The following CHN2 variants were observed in gnomAD, a reference collection of about 807,000 sequenced individuals.
CHN2 encodes the protein beta-chimaerin.
Under a neutral mutation model 56.3 loss-of-function variants are expected in CHN2, and 35 were observed. That is an observed-to-expected ratio of 0.62 (90% confidence interval 0.47 to 0.82). The LOEUF is 0.82. Among genes scored for constraint, CHN2 ranks in the 40% least tolerant of loss-of-function variants. The pLI, the probability that CHN2 is intolerant of heterozygous loss-of-function variation, is 0.00. For missense variants in CHN2, 491 were observed against 580.5 expected, an observed-to-expected ratio of 0.85 and a Z score of 1.58; for synonymous variants, 210 against 212.8, an observed-to-expected ratio of 0.99 and a Z score of 0.12.
At chr7:29,288,711 C>T (rs1792350131) in intron 1 of CHN2, among the ~76,000 whole-genome samples, 1 of 152,118 alleles carries the variant, frequency 6.6e-6, no homozygotes, top group Non-Finnish European at 1.5e-5. Context: ...AAACTAGAGA[C>T]AATGGAGACA....
chr7:29,465,371 T>C (rs2128140783), intron 6 of CHN2, among the ~76,000 whole-genome samples: 1 of 152,354 alleles, frequency 6.6e-6, no homozygotes, highest in South Asian at 2.1e-4. Context: ...TGCATAATCA[T>C]GAAAGTTTAT....
chr7:29,308,251 G>A (rs1332555430), intron 1 of CHN2, among the ~76,000 whole-genome samples: 8 of 152,034 alleles, frequency 5.3e-5, no homozygotes, highest in Non-Finnish European at 4.4e-5. Context: ...ACTTCCTGCC[G>A]TGGGCCCTTG....
At chr7:29,358,404 A>T (rs1585151956) in intron 2 of CHN2, among the ~76,000 whole-genome samples, 1 of 152,134 alleles carries the variant, frequency 6.6e-6, no homozygotes, top group Admixed American at 6.5e-5. Flanking sequence ...TCTAAAAAAA[A>T]TTTTAATTTA....
intron 6 of CHN2, among the ~76,000 whole-genome samples, chr7:29,439,275 G>C (rs1783456808): frequency 2.6e-5 from 4 of 152,182 alleles, no homozygotes; most frequent in Admixed American, 2.6e-4. Flanking sequence ...TAGTGACAGG[G>C]ACTTAATCTT....
At chr7:29,487,197 G>A (rs1462183165) in intron 7 of CHN2, among the ~76,000 whole-genome samples, 3 of 113,680 alleles carry the variant, frequency 2.6e-5, no homozygotes, top group African/African-American at 1.1e-4. Context: ...ATGGTTGGGG[G>A]CTTGTTTTGT....
intron 1 of CHN2, among the ~76,000 whole-genome samples, chr7:29,342,067 G>C (rs1439123251): frequency 1.3e-5 from 2 of 152,162 alleles, no homozygotes; most frequent in Non-Finnish European, 2.9e-5. Context: ...ATGTTCATTT[G>C]CCTTTGTTGC....
At chr7:29,218,167 G>A (rs1785479765) in intron 1 of CHN2, among the ~76,000 whole-genome samples, 1 of 152,006 alleles carries the variant, frequency 6.6e-6, no homozygotes, top group Admixed American at 6.6e-5. Context: ...TAGGGATTGT[G>A]ATGTCCCCTC....
intron 1 of CHN2, among the ~76,000 whole-genome samples, chr7:29,225,895 G>A (rs745429003): frequency 6.6e-6 from 1 of 152,190 alleles, no homozygotes; most frequent in Non-Finnish European, 1.5e-5. Flanking sequence ...ATGGGATTAG[G>A]CGTTTATTAA....
At chr7:29,288,850 G>A (rs1792360739) in intron 1 of CHN2, 1 of 152,348 alleles carries the variant, frequency 6.6e-6, no homozygotes, top group Non-Finnish European at 1.5e-5. Context: ...GCACTCAGGG[G>A]ATTTGCAGGA....
At chr7:29,280,548 G>A (rs1005386614) in intron 1 of CHN2, among the ~76,000 whole-genome samples, 5 of 152,110 alleles carry the variant, frequency 3.3e-5, no homozygotes, top group Non-Finnish European at 5.9e-5. Flanking sequence ...TGTGAGACAG[G>A]AAACCTAAGA....
intron 2 of CHN2, among the ~76,000 whole-genome samples, chr7:29,155,539 G>A (rs1794243665): frequency 6.6e-6 from 1 of 152,136 alleles, no homozygotes; most frequent in Admixed American, 6.6e-5. Flanking sequence ...AGATCAAAGA[G>A]CTACTGAGTG....
chr7:29,471,611 T>C (rs909333968), intron 6 of CHN2, among the ~76,000 whole-genome samples: 3 of 152,186 alleles, frequency 2.0e-5, no homozygotes, highest in Non-Finnish European at 2.9e-5. Context: ...GCAGTAAGAC[T>C]GTTCCTTCGG....
intron 2 of CHN2, among the ~76,000 whole-genome samples, chr7:29,155,685 C>T (rs370080146): frequency 7.2e-5 from 11 of 152,208 alleles, no homozygotes; most frequent in Non-Finnish European, 1.6e-4. Flanking sequence ...GTCCTGCTTC[C>T]GTGTTTTTAA....
chr7:29,357,115 T>G (rs1353316076), intron 2 of CHN2, among the ~76,000 whole-genome samples: 2 of 152,262 alleles, frequency 1.3e-5, no homozygotes, highest in Non-Finnish European at 1.5e-5. Context: ...TCCTTGCTAC[T>G]TAAATTTAAC....
chr7:29,364,075 C>T (rs946007351), intron 2 of CHN2, among the ~76,000 whole-genome samples: 1 of 152,192 alleles, frequency 6.6e-6, no homozygotes, highest in African/African-American at 2.4e-5. Flanking sequence ...AGCTCTATGT[C>T]CTGGAGCAAA....
intron 7 of CHN2, among the ~76,000 whole-genome samples, chr7:29,486,345 G>A (rs946210847): frequency 1.3e-5 from 2 of 152,166 alleles, no homozygotes; most frequent in Admixed American, 1.3e-4. Context: ...CCTCTTGTGC[G>A]GCTTGTGTGT....
chr7:29,512,419 A>G (rs1791584220), intron 12 of CHN2, 145 bp from the exon 13 acceptor site: 1 of 645,714 alleles, frequency 1.5e-6, no homozygotes, highest in Admixed American at 3.7e-5. Context: ...CCCTTCCAAA[A>G]ATACCTTTCT....
intron 6 of CHN2, among the ~76,000 whole-genome samples, chr7:29,454,549 G>A (rs1388092693): frequency 2.6e-5 from 4 of 152,192 alleles, no homozygotes; most frequent in Non-Finnish European, 4.4e-5. Context: ...TTAGGCTGCA[G>A]TAACAACCCC....
rs377666675 is a variant in CHN2, at chr7:29,430,089, T to G, written c.576+29261T>G. ...GCATAGGATATATTGCTTAATATTT[T>G]CTTAGAGTTTAAAGGTAGCAAATCT... is the stretch of plus-strand genomic sequence containing the variant. On this transcript the variant is annotated intron_variant, in intron 6 of 12. Transcript: ENST00000222792. Among the ~76,000 whole-genome samples, 100 of 152,344 alleles carry G rather than the reference T, an allele frequency of 6.6e-4. 2 individuals are homozygous for G. In the South Asian group the frequency reaches 0.011, roughly 17 times the overall value.
Sources: gnomAD v4.1 joint callset for allele counts (sites outside exome capture counted in the v4.1 genomes callset) on GRCh38, gnomAD v4.1.1 for gene constraint, MANE v1.5 for transcripts, NCBI Gene and HGNC (gene_info 2026-07-23, HGNC 2026-07-21) for gene names.